Variants in ZNF681 observed in about 807,000 individuals in gnomAD.
ZNF681 encodes zinc finger protein 681.
ZNF681 carries 37 observed loss-of-function variants against 56.0 expected under a neutral mutation model. The observed-to-expected ratio is 0.66, with a 90% CI of 0.51 to 0.87. ZNF681 has a LOEUF of 0.87. ZNF681 is among the 40% of genes least tolerant of loss of function. The pLI, the probability that ZNF681 is intolerant of heterozygous loss-of-function variation, is 0.00. For synonymous variants in ZNF681, 225 were observed against 248.6 expected, an observed-to-expected ratio of 0.91 and a Z score of 0.89; for missense variants, 741 against 744.9, an observed-to-expected ratio of 0.99 and a Z score of 0.06.
In ZNF681 at chr19:23,739,223, T is replaced by C. The variant is rs1183870523; in HGVS notation, c.*4389A>G. The C allele has an allele frequency of 2.6e-5, 4 of 152,060 alleles. No individual in the cohort carries two copies. The highest frequency in any genetic ancestry group is 1.3e-4 in the Admixed American group (2 of 15,264). The allele number at this position is 152,060 out of a possible 1,614,324, so 9.4% of individuals were successfully genotyped here. A position where few individuals can be genotyped will look rare whatever the true frequency, so the allele number is the denominator to read the frequency against. ...ATCTTTAAAATAAAAAAATTTATTA[T>C]TTTCAATTACATAGATTAACCAAAT... is the stretch of plus-strand genomic sequence containing the variant. On this transcript the variant is annotated 3_prime_UTR_variant, in exon 4 of 4. Coordinates refer to ENST00000402377, the MANE Select transcript of ZNF681 (RefSeq NM_138286.3).
At chr19:23,754,766 TGACC>T in intron 3 of ZNF681, 53 bp downstream of exon 3, 1 of 1,389,188 alleles carries the variant, frequency 7.2e-7, no homozygotes, top group South Asian at 1.2e-5. Flanking sequence ...GCTTTTTCTT[TGACC>T]TTTGAACCGC....
At chr19:23,751,437 T>C (rs1363552928) in intron 3 of ZNF681, among the ~76,000 whole-genome samples, 2 of 149,312 alleles carry the variant, frequency 1.3e-5, no homozygotes, top group African/African-American at 2.5e-5. Context: ...GATTGCGCCA[T>C]TGTACTTTAG....
chr19:23,744,812 T>C lies in ZNF681; in HGVS notation c.738A>G (p.Ile246Met), dbSNP rs1208152360. The C allele has an allele frequency of 3.1e-6, 5 of 1,613,296 alleles. No homozygotes were observed. The African/African-American group carries it at 4.0e-5, about 13-fold the overall frequency. Residue 246 changes from isoleucine to methionine, a missense_variant, in exon 4 of 4, where the codon ATA becomes ATG. By Grantham distance (10) the Ile-to-Met change is conservative. Transcript: ENST00000402377. Reference sequence around the variant, plus strand: ...TGTAGAGTTTGTCTCTAGTATAAATTATCTTATGTGTAGTAAGGTTTGTGA... The same window carrying C: ...TGTAGAGTTTGTCTCTAGTATAAATCATCTTATGTGTAGTAAGGTTTGTGA... ...NQFTNLTTHK[I>M]IYTRDKLYKR...
At position 23,739,343 on chromosome 19, in the gene ZNF681, G is replaced by A. The variant is rs1968850971; in HGVS notation, c.*4269C>T. 1 of 152,090 alleles carries A rather than the reference G, an allele frequency of 6.6e-6. No homozygotes were observed. The highest frequency in any genetic ancestry group is 2.4e-5 in the African/African-American group (1 of 41,384). The allele number at this position is 152,090 out of a possible 1,614,324, so 9.4% of individuals were successfully genotyped here. On this transcript the variant is annotated 3_prime_UTR_variant, in exon 4 of 4. Transcript: ENST00000402377. ...GCCAACATATTTGGAAAAAAGAGGG[G>A]TTTAGAAAGATGTCAGTCAAATACA...
At chr19:23,748,225 T>C (rs758569636) in intron 3 of ZNF681, among the ~76,000 whole-genome samples, 17 of 152,248 alleles carry the variant, frequency 1.1e-4, no homozygotes, top group Non-Finnish European at 2.2e-4. Flanking sequence ...TTGCAAATTA[T>C]ATGTGATAAG....
intron 1 of ZNF681, among the ~76,000 whole-genome samples, chr19:23,756,672 T>C (rs1208007617): frequency 6.6e-6 from 1 of 151,850 alleles, no homozygotes; most frequent in Non-Finnish European, 1.5e-5. Context: ...AGAAAGAGCA[T>C]TAGGATAAAT....
At chr19:23,755,323 A>G in intron 2 of ZNF681, 102 bp downstream of exon 2, 2 of 1,407,678 alleles carry the variant, frequency 1.4e-6, no homozygotes, top group Non-Finnish European at 1.9e-6. Context: ...AGGGATCTGA[A>G]ACTCACTTAT....
chr19:23,750,308 A>AAAC lies in ZNF681; in HGVS notation c.226+4514_226+4515insGTT, dbSNP rs368539504. 2.1e-3 allele frequency among the ~76,000 whole-genome samples: 280 copies of AAAC among 130,288 alleles called. 2 individuals are homozygous for AAAC. The highest frequency in any genetic ancestry group is 8.8e-3 in the Middle Eastern group (2 of 228). 85.5% of individuals were successfully genotyped at this position (130,288 alleles called of 152,430 possible). ...CAAAAAAAAAAAAAAAAAAAACCAA[A>AAAC]AAACAACTAAGAAAGAATATATACA... On this transcript the variant is annotated intron_variant, in intron 3 of 3. Transcript: ENST00000402377.
At chr19:23,752,290 C>G (rs903182851) in intron 3 of ZNF681, among the ~76,000 whole-genome samples, 1 of 152,196 alleles carries the variant, frequency 6.6e-6, no homozygotes, top group Non-Finnish European at 1.5e-5. Context: ...GTCACATACC[C>G]TTTCAGAGGC....
At chr19:23,747,812 C>A (rs1968968090) in intron 3 of ZNF681, among the ~76,000 whole-genome samples, 1 of 151,882 alleles carries the variant, frequency 6.6e-6, no homozygotes, top group Admixed American at 6.6e-5. Flanking sequence ...GTGGTACTGA[C>A]ACAAAGACAG....
chr19:23,755,644 C>A (rs960392624), intron 1 of ZNF681, 93 bp from the exon 2 acceptor site: 3 of 1,319,676 alleles, frequency 2.3e-6, no homozygotes, highest in Non-Finnish European at 3.0e-6. Flanking sequence ...TAATTTGATT[C>A]AAGGTAAAAT....
chr19:23,755,604 C>CACACAT (rs1252655724), intron 1 of ZNF681, 53 bp from the exon 2 acceptor site: 10 of 859,562 alleles, frequency 1.2e-5, no homozygotes, highest in Admixed American at 3.3e-5. Context: ...CACACATACA[C>CACACAT]ATTTAGAAAG....
intron 2 of ZNF681, among the ~76,000 whole-genome samples, chr19:23,755,211 G>A (rs1373080736): frequency 6.6e-6 from 1 of 152,076 alleles, no homozygotes; most frequent in Non-Finnish European, 1.5e-5. Flanking sequence ...CTAGAGTGAA[G>A]AATACAGATT....
rs963828699 is a variant in ZNF681, at chr19:23,748,598, T to G, written c.227-3275A>C. The stretch of plus-strand genomic sequence containing the variant: ...AGCAAGGAGCCCCCTGACCCCTTCT[T>G]CCAAATACACTCTTTTGTCTTTGTC... On this transcript the variant is annotated intron_variant, in intron 3 of 3. Transcript: ENST00000402377. Among the ~76,000 whole-genome samples, 3 of 152,316 alleles carry G rather than the reference T, an allele frequency of 2.0e-5. 1 individual carries two copies. The highest frequency in any genetic ancestry group is 6.5e-5 in the Admixed American group (1 of 15,290).
At chr19:23,754,943 T>C in intron 2 of ZNF681, 25 bp from the exon 3 acceptor site, 1 of 1,588,354 alleles carries the variant, frequency 6.3e-7, no homozygotes, top group Non-Finnish European at 8.6e-7. Context: ...GTAAATAACA[T>C]AAATCTTGCT....
At position 23,745,177 on chromosome 19, in the gene ZNF681, CT is replaced by C; in HGVS notation, c.372del (p.Gly125GlufsTer24). Reference protein sequence around the residue: ...SKSVDECKVQKGGYNGLNQCL... With the variant: ...SKSVDECKVQXGGYNGLNQCL... ...CATTGGTTAAGTCCATTATAACCTC[CT>C]TTTTGCACTTTGCACTCATCCACAC... On this transcript the variant is annotated frameshift_variant, in exon 4 of 4. Coordinates refer to ENST00000402377, the MANE Select transcript of ZNF681 (RefSeq NM_138286.3). LOFTEE classifies it high-confidence loss of function. 1 of 1,612,968 alleles carries C rather than the reference CT, an allele frequency of 6.2e-7. No individual in the cohort carries two copies. The highest frequency in any genetic ancestry group is 8.5e-7 in the Non-Finnish European group (1 of 1,179,762).
intron 1 of ZNF681, among the ~76,000 whole-genome samples, chr19:23,756,672 T>G (rs1208007617): frequency 6.6e-6 from 1 of 151,850 alleles, no homozygotes; most frequent in Non-Finnish European, 1.5e-5. Context: ...AGAAAGAGCA[T>G]TAGGATAAAT....
Position 23,755,558 on chromosome 19 carries a change from AAC to A in ZNF681, c.4-9_4-8del, listed in dbSNP as rs763001279. 12,388 of 1,269,820 alleles carry A rather than the reference AAC, an allele frequency of 9.8e-3. 2 individuals are homozygous for A. Among genetic ancestry groups the A allele is most frequent in the South Asian group, 0.031 (2,077 of 67,018 alleles). The allele number at this position is 1,269,820 out of a possible 1,614,324, so 78.7% of individuals were successfully genotyped here. On this transcript the variant is annotated splice_polypyrimidine_tract_variant and splice_region_variant and intron_variant, in intron 1 of 3. Coordinates refer to ENST00000402377, the MANE Select transcript of ZNF681 (RefSeq NM_138286.3). The stretch of plus-strand genomic sequence containing the variant: ...CCCTAAATTTCAATGGTTCCTGAAA[AAC>A]ACACACACACACACACACACACACA...
chr19:23,757,234 A>G (rs1365351276), intron 1 of ZNF681, among the ~76,000 whole-genome samples: 1 of 152,180 alleles, frequency 6.6e-6, no homozygotes, highest in Non-Finnish European at 1.5e-5. Context: ...AAAAAGAAAA[A>G]GAAAAAAAAT....
Sources: allele counts gnomAD v4.1 joint callset (sites outside exome capture counted in the v4.1 genomes callset), GRCh38; gene constraint gnomAD v4.1.1; transcripts MANE v1.5; gene names NCBI Gene and HGNC (gene_info 2026-07-23, HGNC 2026-07-21).